Variants in HPS5 observed in about 807,000 individuals in gnomAD.
HPS5 encodes the protein HPS5 biogenesis of lysosomal organelles complex 2 subunit 2, also known as BLOC-2 complex member HPS5.
In HPS5, 83 loss-of-function variants were observed where a neutral mutation model predicts 128.0. The observed-to-expected ratio is 0.65, with a 90% confidence interval of 0.54 to 0.78. The LOEUF is 0.78. HPS5 is among the 30% of genes least tolerant of loss of function. The probability of loss-of-function intolerance (pLI) is 0.00; values close to 1 mark genes in which losing one functional copy is unlikely to be tolerated. For missense variants in HPS5, 1,281 were observed against 1,326.2 expected (o/e 0.97, Z 0.53); for synonymous variants, 475 against 470.2 (o/e 1.01, Z -0.13).
In HPS5 at chr11:18,285,478, T is replaced by A; in HGVS notation, c.2838-19A>T. On this transcript the variant is annotated intron_variant, in intron 19 of 22. Transcript: ENST00000349215. ...ATGAGGCCTATGAAATGAAAAGGAA[T>A]CAGTAAATTAGATAGGAAATAAACT... 53 of 1,440,986 alleles carry A rather than the reference T, an allele frequency of 3.7e-5. No homozygotes were observed. The highest frequency in any genetic ancestry group is 4.7e-5 in the Non-Finnish European group (48 of 1,022,676). The allele number at this position is 1,440,986 out of a possible 1,614,324, so 89.3% of individuals were successfully genotyped here. A position where few individuals can be genotyped will look rare whatever the true frequency, so the allele number is the denominator to read the frequency against.
chr11:18,316,120 C>T (rs1472239792), intron 2 of HPS5, among the ~76,000 whole-genome samples: 1 of 152,054 alleles, frequency 6.6e-6, no homozygotes, highest in South Asian at 2.1e-4. Context: ...CATAGCAAGA[C>T]CCCATCTCTA....
chr11:18,314,778 G>A (rs1164974207), intron 2 of HPS5, among the ~76,000 whole-genome samples: 1 of 152,088 alleles, frequency 6.6e-6, no homozygotes, highest in Non-Finnish European at 1.5e-5. Context: ...ACAGCTCACT[G>A]TAGCCTCAAC....
intron 2 of HPS5, 32 bp from the exon 3 acceptor site, chr11:18,312,056 T>C: frequency 1.3e-6 from 2 of 1,484,070 alleles, no homozygotes; most frequent in Non-Finnish European, 1.9e-6. Flanking sequence ...TGTGAGATAA[T>C]CACAGCTACT....
intron 9 of HPS5, among the ~76,000 whole-genome samples, chr11:18,300,434 T>G (rs994245192): frequency 3.3e-5 from 5 of 152,146 alleles, no homozygotes; most frequent in African/African-American, 2.4e-5. Flanking sequence ...TAATCATACA[T>G]GTTTGTAATC....
At position 18,285,364 on chromosome 11, in the gene HPS5, T is replaced by C; in HGVS notation, c.2933A>G (p.Asp978Gly). ...CACTTACCCACAAGACCTGCAGATGTCTGTCATTTTCTCTTTGGTTATAAA... is the reference window on the plus strand; with the variant it reads ...CACTTACCCACAAGACCTGCAGATGCCTGTCATTTTCTCTTTGGTTATAAA... ...ADFITKEKMT[D>G]ICRSCGFWPG... The change falls in exon 20 of 23, where the codon GAC (aspartate) becomes GGC (glycine). Residue 978 changes from aspartate to glycine, a missense_variant. Physicochemically the swap from Asp to Gly is moderately conservative, Grantham distance 94 (BLOSUM62 -1). Coordinates refer to ENST00000349215, the MANE Select transcript of HPS5 (RefSeq NM_181507.2). 6.2e-7 allele frequency: 1 copy of C among 1,610,292 alleles called. No homozygotes were observed. Among genetic ancestry groups the C allele is most frequent in the South Asian group, 1.1e-5 (1 of 91,014 alleles).
chr11:18,306,368 G>C (rs766106349), intron 6 of HPS5, 21 bp from the exon 7 acceptor site: 1 of 1,576,506 alleles, frequency 6.3e-7, no homozygotes, highest in Non-Finnish European at 8.7e-7. Context: ...GAAAGGAAGA[G>C]AAAGCAGATT....
At chr11:18,311,001 G>A (rs1278442898) in intron 4 of HPS5, 68 bp from the exon 5 acceptor site, 4 of 1,103,206 alleles carry the variant, frequency 3.6e-6, no homozygotes, top group South Asian at 1.2e-5. Context: ...TTGCATCACA[G>A]TATCAACTAT....
In HPS5 at chr11:18,295,013, G is replaced by A. The variant is rs762985960; in HGVS notation, c.1784+7C>T. The A allele has an allele frequency of 1.2e-6, 2 of 1,613,748 alleles. No homozygotes were observed. The highest frequency in any genetic ancestry group is 1.7e-6 in the Non-Finnish European group (2 of 1,179,756). On this transcript the variant is annotated splice_region_variant and intron_variant, in intron 14 of 22. Coordinates refer to ENST00000349215, the MANE Select transcript of HPS5 (RefSeq NM_181507.2). Reference sequence around the variant, plus strand: ...GAATGTATAGAGATTTATGTGTAAGGGCTTACTCAGTGTCTTCCTCCTTTG... The same window carrying A: ...GAATGTATAGAGATTTATGTGTAAGAGCTTACTCAGTGTCTTCCTCCTTTG...
chr11:18,286,478 G>T, intron 19 of HPS5, 113 bp downstream of exon 19: 1 of 1,064,878 alleles, frequency 9.4e-7, no homozygotes, highest in Non-Finnish European at 1.4e-6. Context: ...GGAGGTCAAG[G>T]CTGCAGGAAG....
At chr11:18,285,763 T>C (rs940330220) in intron 19 of HPS5, among the ~76,000 whole-genome samples, 2 of 152,220 alleles carry the variant, frequency 1.3e-5, no homozygotes, top group African/African-American at 4.8e-5. Flanking sequence ...GCTAGGAATA[T>C]AAGACAGGCA....
chr11:18,312,091 A>G, intron 2 of HPS5, 67 bp from the exon 3 acceptor site: 2 of 1,217,140 alleles, frequency 1.6e-6, no homozygotes, highest in South Asian at 2.4e-5. Context: ...ATCCACTGAA[A>G]ATAAATACTG....
intron 11 of HPS5, 60 bp downstream of exon 11, chr11:18,297,499 G>C: frequency 6.6e-7 from 1 of 1,518,230 alleles, no homozygotes; most frequent in Non-Finnish European, 9.1e-7. Flanking sequence ...AGGTAAATAA[G>C]AACAACCGAA....
chr11:18,308,899 A>G, intron 6 of HPS5, 47 bp downstream of exon 6: 4 of 1,597,142 alleles, frequency 2.5e-6, no homozygotes, highest in Non-Finnish European at 1.7e-6. Flanking sequence ...AGTTCCTCCC[A>G]GTTCTAAAAT....
rs1858592174 is a variant in HPS5 at position 18,279,375 on chromosome 11, A to G, written c.*507T>C. The stretch of plus-strand genomic sequence containing the variant: ...ATCAAATTCAAATCTTCAGTGTTCT[A>G]CTTATTTTGGGTGTTAATTCCATTA... On this transcript the variant is annotated 3_prime_UTR_variant, in exon 23 of 23. Coordinates refer to ENST00000349215, the MANE Select transcript of HPS5 (RefSeq NM_181507.2). 6.2e-6 allele frequency: 1 copy of G among 160,566 alleles called. No homozygotes were observed. The highest frequency in any genetic ancestry group is 6.0e-5 in the Admixed American group (1 of 16,790). The allele number at this position is 160,566 out of a possible 1,614,324, so 9.9% of individuals were successfully genotyped here.
In HPS5 at chr11:18,282,183, G is replaced by A. The variant is rs199775659; in HGVS notation, c.3096C>T (p.Leu1032=). ...IPETVEEWKL[L]LHLIQSKSTR... is the part of the protein sequence containing the mutation. The stretch of plus-strand genomic sequence containing the variant: ...TGCTCTTGCTCTGTATGAGATGAAG[G>A]AGAAGCTTCCATTCCTCCACGGTCT... Residue 1032 remains leucine (L), a synonymous_variant, in exon 22 of 23, where the codon CTC becomes CTT. Transcript: ENST00000349215. The A allele has an allele frequency of 1.9e-6, 3 of 1,614,160 alleles. No individual in the cohort carries two copies. The highest frequency in any genetic ancestry group is 4.5e-5 in the East Asian group (2 of 44,892).
At chr11:18,305,324 G>A (rs1862221211) in intron 8 of HPS5, 98 bp downstream of exon 8, 11 of 776,866 alleles carry the variant, frequency 1.4e-5, no homozygotes, top group African/African-American at 5.3e-5. Context: ...GTAATTTAGT[G>A]CAAAAATAAC....
chr11:18,295,666 A>G (rs979720427), intron 13 of HPS5, among the ~76,000 whole-genome samples: 3 of 152,248 alleles, frequency 2.0e-5, no homozygotes, highest in African/African-American at 4.8e-5. Flanking sequence ...AAGAATTCTG[A>G]AAAGACTCCA....
chr11:18,297,294 G>A (rs752298706), intron 11 of HPS5, among the ~76,000 whole-genome samples: 1 of 152,134 alleles, frequency 6.6e-6, no homozygotes, highest in African/African-American at 2.4e-5. Flanking sequence ...TCACATATTA[G>A]AGCAACGTAA....
At position 18,305,417 on chromosome 11, in the gene HPS5, CT is replaced by C; in HGVS notation, c.896+4del. On this transcript the variant is annotated splice_donor_region_variant and intron_variant, in intron 8 of 22. Coordinates refer to ENST00000349215, the MANE Select transcript of HPS5 (RefSeq NM_181507.2). ...CCCCCAGAACTAAGGAAAGTAGAAACTTACCTAAGATGTAAGAGTTTGGGGA... is the reference window on the plus strand; with the variant it reads ...CCCCCAGAACTAAGGAAAGTAGAAACTACCTAAGATGTAAGAGTTTGGGGA... 1.3e-6 allele frequency: 2 copies of C among 1,578,934 alleles called. No individual in the cohort carries two copies. Among genetic ancestry groups the C allele is most frequent in the Non-Finnish European group, 1.7e-6 (2 of 1,148,322 alleles).
Sources: gnomAD v4.1 joint callset for allele counts (sites outside exome capture counted in the v4.1 genomes callset) on GRCh38, gnomAD v4.1.1 for gene constraint, MANE v1.5 for transcripts, NCBI Gene and HGNC (gene_info 2026-07-23, HGNC 2026-07-21) for gene names.